The following USP1 variants were observed in gnomAD, a reference collection of about 807,000 sequenced individuals.
USP1 encodes the protein ubiquitin specific peptidase 1.
Under a neutral mutation model 72.2 loss-of-function variants are expected in USP1, and 18 were observed. The ratio of observed to expected loss-of-function variants is 0.25; its 90% confidence interval spans 0.17 to 0.37. The LOEUF (loss-of-function observed/expected upper bound fraction) is 0.37, where lower values mean the gene tolerates loss of function less well. Among genes scored for constraint, USP1 ranks in the 10% least tolerant of loss-of-function variants. The probability of loss-of-function intolerance (pLI) is 1.00; values close to 1 mark genes in which losing one functional copy is unlikely to be tolerated. For synonymous variants in USP1, 354 were observed against 303.7 expected (o/e 1.17, Z -1.72); for missense variants, 759 against 884.9 (o/e 0.86, Z 1.81).
intron 8 of USP1, among the ~76,000 whole-genome samples, chr1:62,450,014 A>G (rs762077165): frequency 6.6e-6 from 1 of 152,120 alleles, no homozygotes; most frequent in African/African-American, 2.4e-5. Flanking sequence ...GAAAAAATAC[A>G]ATTATTTCTT....
At chr1:62,445,795 A>G (rs555611164) in intron 6 of USP1, among the ~76,000 whole-genome samples, 2 of 152,278 alleles carry the variant, frequency 1.3e-5, no homozygotes, top group Non-Finnish European at 2.9e-5. Context: ...CCTGGTCAAC[A>G]TGGTGAAACC....
At chr1:62,442,384 G>C in intron 4 of USP1, 85 bp downstream of exon 4, 1 of 944,002 alleles carries the variant, frequency 1.1e-6, no homozygotes, top group Non-Finnish European at 1.6e-6. Flanking sequence ...AAGAGGACTG[G>C]GGGGGTGGAT....
intron 8 of USP1, among the ~76,000 whole-genome samples, 167 bp downstream of exon 8, chr1:62,448,833 AAC>A (rs1431224058): frequency 6.6e-6 from 1 of 152,218 alleles, no homozygotes; most frequent in African/African-American, 2.4e-5. Flanking sequence ...GTAAAAATGA[AAC>A]AACTTAAATC....
chr1:62,447,472 C>G lies in USP1; in HGVS notation c.1381C>G (p.Gln461Glu). ...TTTTCAAGACATCAGTGTGCCAGTA[C>G]AAGAAGATGAGCTTTCCAAAGTAGA... Reference protein sequence around the residue: ...EDFQDISVPVQEDELSKVEES... With the variant: ...EDFQDISVPVEEDELSKVEES... The change falls in exon 7 of 9, where the codon CAA (glutamine) becomes GAA (glutamate). Residue 461 changes from glutamine to glutamate, a missense_variant. Gln to Glu is a conservative substitution (Grantham distance 29). Coordinates refer to ENST00000339950, the MANE Select transcript of USP1 (RefSeq NM_003368.5). 1 of 1,613,958 alleles carries G rather than the reference C, an allele frequency of 6.2e-7. No homozygotes were observed. Among genetic ancestry groups the G allele is most frequent in the South Asian group, 1.1e-5 (1 of 91,078 alleles).
In USP1 at chr1:62,451,659, A is replaced by C. The variant is rs1011456756; in HGVS notation, c.*678A>C. 2 of 152,696 alleles carry C rather than the reference A, an allele frequency of 1.3e-5. No individual in the cohort carries two copies. Among genetic ancestry groups the C allele is most frequent in the African/African-American group, 4.8e-5 (2 of 41,472 alleles). The allele number at this position is 152,696 out of a possible 1,614,324, so 9.5% of individuals were successfully genotyped here. On this transcript the variant is annotated 3_prime_UTR_variant, in exon 9 of 9. Transcript: ENST00000339950. ...ATTCTGCACGATCTGTATATAGTACATCAAACTTAGAGGTGTGACCTTAAA... is the reference window on the plus strand; with the variant it reads ...ATTCTGCACGATCTGTATATAGTACCTCAAACTTAGAGGTGTGACCTTAAA...
chr1:62,445,666 T>A (rs2149206492), intron 6 of USP1, among the ~76,000 whole-genome samples: 1 of 152,160 alleles, frequency 6.6e-6, no homozygotes, highest in Middle Eastern at 3.4e-3. Flanking sequence ...TAAAGTAATT[T>A]TAATTTATAG....
chr1:62,444,867 A>T lies in USP1; in HGVS notation c.687A>T (p.Leu229Phe), dbSNP rs746699246. 16 of 1,613,590 alleles carry T rather than the reference A, an allele frequency of 9.9e-6. No individual in the cohort carries two copies. The highest frequency in any genetic ancestry group is 1.4e-5 in the Non-Finnish European group (16 of 1,179,806). Residue 229 changes from leucine to phenylalanine, a missense_variant, in exon 6 of 9, where the codon TTA becomes TTT. Coordinates refer to ENST00000339950, the MANE Select transcript of USP1 (RefSeq NM_003368.5). ...KKEEVKNVAELPTKVEEIPHP... is the reference protein window; with the variant it reads ...KKEEVKNVAEFPTKVEEIPHP... Reference sequence around the variant, plus strand: ...AAGAAGTAAAAAATGTGGCAGAATTACCTACTAAGGTAGAAGAAATACCTC... The same window carrying T: ...AAGAAGTAAAAAATGTGGCAGAATTTCCTACTAAGGTAGAAGAAATACCTC...
Position 62,445,214 on chromosome 1 carries a change from C to T in USP1, c.1034C>T (p.Ala345Val). ...SRVKINWLKS[A>V]TKQPSILSKF... ...GTTAAAATAAATTGGTTAAAGTCTG[C>T]AACTAAGCAACCCAGCATTCTTTCT... is the stretch of plus-strand genomic sequence containing the variant. The change falls in exon 6 of 9, where the codon GCA becomes GTA. Residue 345 changes from alanine to valine, a missense_variant. Ala to Val is a moderately conservative substitution (Grantham distance 64). This residue lies in a region of USP1 where 245 missense variants were observed against 240.7 expected (regional missense o/e 1.02). Transcript: ENST00000339950. 1.2e-6 allele frequency: 2 copies of T among 1,611,902 alleles called. No individual in the cohort carries two copies. The highest frequency in any genetic ancestry group is 1.1e-5 in the South Asian group (1 of 90,452).
chr1:62,437,195 G>A lies in USP1; in HGVS notation c.-275G>A, dbSNP rs746840692. 1.8e-5 allele frequency: 7 copies of A among 398,758 alleles called. No homozygotes were observed. Among genetic ancestry groups the A allele is most frequent in the Non-Finnish European group, 3.1e-5 (7 of 225,934 alleles). 24.7% of individuals were successfully genotyped at this position (398,758 alleles called of 1,614,324 possible). On this transcript the variant is annotated 5_prime_UTR_variant, in exon 1 of 9. Transcript: ENST00000339950. ...CCGCTCCCGGGATGTAGTTGGTGTT[G>A]GTGCAAGACGGGAGCGAGCGGCGGT...
rs144233367 is a variant in USP1, at chr1:62,450,829, G to A, written c.2206G>A (p.Val736Ile). The change falls in exon 9 of 9, where the codon GTA (valine) becomes ATA (isoleucine). Residue 736 changes from valine (V) to isoleucine (I), a missense_variant. This residue lies in a region of USP1 where 159 missense variants were observed against 140.9 expected (regional missense o/e 1.13). Coordinates refer to ENST00000339950, the MANE Select transcript of USP1 (RefSeq NM_003368.5). Reference protein sequence around the residue: ...ISGFENKISYVVQSLKEYEGK... With the variant: ...ISGFENKISYIVQSLKEYEGK... ...TGGATTTGAGAACAAAATTTCATAC[G>A]TAGTGCAAAGCTTAAAGGAGTATGA... The A allele has an allele frequency of 5.6e-6, 9 of 1,614,018 alleles. No homozygotes were observed. The highest frequency in any genetic ancestry group is 2.2e-5 in the East Asian group (1 of 44,858).
upstream of USP1, chr1:62,436,827 T>A (rs1645090651): frequency 3.2e-6 from 1 of 308,098 alleles, no homozygotes; most frequent in Non-Finnish European, 5.9e-6. Flanking sequence ...GCTCTGTGCC[T>A]GCGTTGTTTG....
At chr1:62,448,156 A>G (rs1645189353) in intron 7 of USP1, among the ~76,000 whole-genome samples, 1 of 152,216 alleles carries the variant, frequency 6.6e-6, no homozygotes, top group Admixed American at 6.5e-5. Flanking sequence ...ATATGGAAAT[A>G]CCATAGGAAA....
In USP1 at chr1:62,445,116, G is replaced by T. The variant is rs1436309445; in HGVS notation, c.936G>T (p.Glu312Asp). ...GAAAAGCTACAAGTGATACATTAGA[G>T]AGTCCTCCTAAAATAATTCCCAAGT... Reference protein sequence around the residue: ...SKRKATSDTLESPPKIIPKYI... With the variant: ...SKRKATSDTLDSPPKIIPKYI... Residue 312 changes from glutamate to aspartate, a missense_variant, in exon 6 of 9, where the codon GAG (glutamate) becomes GAT (aspartate). This residue lies in a region of USP1 where 245 missense variants were observed against 240.7 expected (regional missense o/e 1.02). Transcript: ENST00000339950. The T allele has an allele frequency of 6.2e-7, 1 of 1,613,486 alleles. No homozygotes were observed. The highest frequency in any genetic ancestry group is 8.5e-7 in the Non-Finnish European group (1 of 1,179,874).
At chr1:62,444,411 T>G (rs138020844) in intron 5 of USP1, among the ~76,000 whole-genome samples, 13 of 152,252 alleles carry the variant, frequency 8.5e-5, no homozygotes, top group African/African-American at 3.1e-4. Context: ...ATGGTGATAA[T>G]AGTACCTCAT....
chr1:62,439,428 T>C (rs1645116654), intron 1 of USP1, among the ~76,000 whole-genome samples: 1 of 152,156 alleles, frequency 6.6e-6, no homozygotes, highest in Non-Finnish European at 1.5e-5. Context: ...CGTGATCCAC[T>C]CGCTTCGGCC....
In USP1 at chr1:62,450,241, C is replaced by G; in HGVS notation, c.1623-5C>G. ...AGGAAACCTTTTCTTTTTTTCCTCC[C>G]AAAGGTTTGATTGTTATGGTGGTGG... On this transcript the variant is annotated splice_region_variant and splice_polypyrimidine_tract_variant and intron_variant, in intron 8 of 8. Transcript: ENST00000339950. 6.3e-7 allele frequency: 1 copy of G among 1,591,432 alleles called. No individual in the cohort carries two copies. The highest frequency in any genetic ancestry group is 2.2e-5 in the East Asian group (1 of 44,450).
Position 62,450,701 on chromosome 1 carries a change from C to A in USP1, c.2078C>A (p.Thr693Lys). 6.2e-7 allele frequency: 1 copy of A among 1,614,096 alleles called. No homozygotes were observed. The highest frequency in any genetic ancestry group is 8.5e-7 in the Non-Finnish European group (1 of 1,180,010). The change falls in exon 9 of 9, where the codon ACA becomes AAA. Residue 693 changes from threonine to lysine, a missense_variant. Coordinates refer to ENST00000339950, the MANE Select transcript of USP1 (RefSeq NM_003368.5). ...TCTAATCCTGATAAGGTTGCTAGTA[C>A]AGCGTTTGCTGAAAATAGAAATTCT... ...KASNPDKVAS[T>K]AFAENRNSET...
At position 62,437,414 on chromosome 1, in the gene USP1, GGGA is replaced by G. The variant is rs1645097702; in HGVS notation, c.-70+20_-70+22del. ...GGCCATGACCAGGTAAGGAGGGCCT[GGGA>G]GGAGGGGCCGGCTCCCGGGCGCGGG... is the stretch of plus-strand genomic sequence containing the variant. On this transcript the variant is annotated intron_variant, in intron 1 of 8. Transcript: ENST00000339950. The G allele has an allele frequency of 2.7e-6, 1 of 375,518 alleles. No homozygotes were observed. Among genetic ancestry groups the G allele is most frequent in the Non-Finnish European group, 4.7e-6 (1 of 211,844 alleles). The allele number at this position is 375,518 out of a possible 1,614,324, so 23.3% of individuals were successfully genotyped here.
At chr1:62,438,988 C>G (rs1345713055) in intron 1 of USP1, among the ~76,000 whole-genome samples, 3 of 152,098 alleles carry the variant, frequency 2.0e-5, no homozygotes, top group African/African-American at 7.2e-5. Context: ...GCCTTGAATG[C>G]AAATTATTCT....
Sources: allele counts gnomAD v4.1 joint callset (sites outside exome capture counted in the v4.1 genomes callset), GRCh38; gene constraint gnomAD v4.1.1; regional missense constraint gnomAD v4.1.1; transcripts MANE v1.5; gene names NCBI Gene and HGNC (gene_info 2026-07-23, HGNC 2026-07-21).